Variants in ASTN2 observed in about 807,000 individuals in gnomAD.
ASTN2 encodes the protein astrotactin-2.
Under a neutral mutation model 139.8 loss-of-function variants are expected in ASTN2, and 54 were observed. That is an observed-to-expected ratio of 0.39 (90% CI 0.31 to 0.48). The LOEUF is 0.48. Ranked by LOEUF, ASTN2 falls within the 20% of genes least tolerant of loss-of-function variation. ASTN2 has a pLI of 0.95. For synonymous variants in ASTN2, 756 were observed against 719.5 expected (o/e 1.05, Z -0.81); for missense variants, 1,565 against 1,725.1 (o/e 0.91, Z 1.64).
intron 19 of ASTN2, among the ~76,000 whole-genome samples, chr9:116,496,538 C>A (rs1198567736): frequency 6.6e-6 from 1 of 152,230 alleles, no homozygotes; most frequent in East Asian, 1.9e-4. Context: ...CCTAATTCTG[C>A]AAGACCCTTT....
intron 16 of ASTN2, among the ~76,000 whole-genome samples, chr9:116,724,651 C>A (rs1481769101): frequency 6.6e-6 from 1 of 152,154 alleles, no homozygotes; most frequent in African/African-American, 2.4e-5. Flanking sequence ...TCAATGAGAT[C>A]CTTCAGATCC....
At chr9:116,723,853 C>A (rs1412363978) in intron 16 of ASTN2, among the ~76,000 whole-genome samples, 1 of 152,162 alleles carries the variant, frequency 6.6e-6, no homozygotes, top group Admixed American at 6.5e-5. Context: ...AAGAAAAGTG[C>A]CTTTGCAGAC....
chr9:116,975,614 C>T (rs184956534), intron 9 of ASTN2, among the ~76,000 whole-genome samples: 131 of 152,246 alleles, frequency 8.6e-4, no homozygotes, highest in Non-Finnish European at 1.4e-3. Flanking sequence ...GGGACCATTG[C>T]CGCTCTGATT....
intron 7 of ASTN2, among the ~76,000 whole-genome samples, chr9:116,999,179 C>T (rs1396109175): frequency 6.6e-6 from 1 of 152,116 alleles, no homozygotes; most frequent in Non-Finnish European, 1.5e-5. Context: ...TTCAATCATA[C>T]TTACATGCTA....
chr9:116,627,107 T>G (rs962733988), intron 17 of ASTN2, among the ~76,000 whole-genome samples: 2 of 152,208 alleles, frequency 1.3e-5, no homozygotes, highest in Admixed American at 6.5e-5. Flanking sequence ...AATCAAAGAA[T>G]GTAGAATTAA....
chr9:117,221,854 A>AG (rs1388279850), intron 2 of ASTN2, among the ~76,000 whole-genome samples: 3 of 151,804 alleles, frequency 2.0e-5, no homozygotes, highest in African/African-American at 7.3e-5. Flanking sequence ...GAAGAAAAAA[A>AG]AAAAAGAAAA....
At chr9:116,722,001 G>T (rs1219453445) in intron 16 of ASTN2, among the ~76,000 whole-genome samples, 1 of 152,152 alleles carries the variant, frequency 6.6e-6, no homozygotes, top group East Asian at 1.9e-4. Context: ...TACACACAGT[G>T]TTCTAGACAA....
At chr9:116,674,373 G>C (rs1346758852) in intron 16 of ASTN2, among the ~76,000 whole-genome samples, 1 of 152,236 alleles carries the variant, frequency 6.6e-6, no homozygotes, top group East Asian at 1.9e-4. Context: ...CACACACTTT[G>C]ATTAGCTGGC....
At position 116,543,550 on chromosome 9, in the gene ASTN2, T is replaced by C. The variant is rs540854239; in HGVS notation, c.3356-56050A>G. On this transcript the variant is annotated intron_variant, in intron 19 of 22. Coordinates refer to ENST00000313400, the MANE Select transcript of ASTN2 (RefSeq NM_001365068.1). ...TTTAACATTCATTAAAAAACAGGAG[T>C]TCCACAAGGTAAAATAACTCACTGC... 16 of 152,240 alleles carry C rather than the reference T, an allele frequency of 1.1e-4. 1 individual carries two copies. The highest frequency in any genetic ancestry group is 9.2e-4 in the Admixed American group (14 of 15,290). 9.4% of individuals were successfully genotyped at this position (152,240 alleles called of 1,614,324 possible).
intron 5 of ASTN2, among the ~76,000 whole-genome samples, chr9:117,063,412 T>A (rs1839351228): frequency 6.6e-6 from 1 of 152,134 alleles, no homozygotes; most frequent in Admixed American, 6.5e-5. Flanking sequence ...TTCATGCTAG[T>A]GAATAAATCT....
chr9:117,046,003 T>G (rs368704629), intron 5 of ASTN2, among the ~76,000 whole-genome samples: 1 of 108,530 alleles, frequency 9.2e-6, no homozygotes, highest in Non-Finnish European at 2.2e-5. Flanking sequence ...TATGTATGTA[T>G]GTATGTATGT....
At chr9:116,505,345 C>T (rs780650544) in intron 19 of ASTN2, among the ~76,000 whole-genome samples, 1 of 151,956 alleles carries the variant, frequency 6.6e-6, no homozygotes, top group Non-Finnish European at 1.5e-5. Context: ...GTGCCCAGCT[C>T]GCCTCCCTGT....
intron 17 of ASTN2, among the ~76,000 whole-genome samples, chr9:116,648,870 C>A (rs766366381): frequency 6.6e-5 from 10 of 152,020 alleles, no homozygotes; most frequent in Non-Finnish European, 1.2e-4. Flanking sequence ...CTTGTCTCTA[C>A]TAAAAATACA....
chr9:116,496,831 T>A (rs1849683776), intron 19 of ASTN2, among the ~76,000 whole-genome samples: 1 of 152,188 alleles, frequency 6.6e-6, no homozygotes, highest in South Asian at 2.1e-4. Flanking sequence ...GCAGGGGAAC[T>A]GTCCTTTATA....
intron 2 of ASTN2, among the ~76,000 whole-genome samples, chr9:117,216,704 T>C (rs1166111699): frequency 6.6e-6 from 1 of 152,112 alleles, no homozygotes; most frequent in African/African-American, 2.4e-5. Context: ...CATGATATTA[T>C]TTGTCTGGGA....
chr9:117,228,784 G>C (rs2133051894), intron 2 of ASTN2, among the ~76,000 whole-genome samples: 1 of 152,204 alleles, frequency 6.6e-6, no homozygotes. Context: ...GGAGGCCGAG[G>C]CGGGTGGATC....
At chr9:116,943,915 T>C (rs113208166) in intron 10 of ASTN2, among the ~76,000 whole-genome samples, 3,199 of 152,270 alleles carry the variant, frequency 0.021, 121 homozygotes, top group African/African-American at 0.074. Flanking sequence ...GTACTAAAAA[T>C]ATAGAGATGA....
At chr9:117,038,340 T>G (rs1288574123) in intron 6 of ASTN2, among the ~76,000 whole-genome samples, 1 of 152,184 alleles carries the variant, frequency 6.6e-6, no homozygotes, top group Non-Finnish European at 1.5e-5. Flanking sequence ...TTAATGGTAC[T>G]AATATGGTGC....
At chr9:116,997,711 T>C (rs1393251281) in intron 7 of ASTN2, among the ~76,000 whole-genome samples, 1 of 152,200 alleles carries the variant, frequency 6.6e-6, no homozygotes, top group Non-Finnish European at 1.5e-5. Flanking sequence ...CTTTAAGACA[T>C]AGCTACTTGT....
Sources: allele counts gnomAD v4.1 joint callset (sites outside exome capture counted in the v4.1 genomes callset), GRCh38; gene constraint gnomAD v4.1.1; transcripts MANE v1.5; gene names NCBI Gene and HGNC (gene_info 2026-07-23, HGNC 2026-07-21).